FPR3: variants seen among roughly 807,000 people sequenced by gnomAD.
FPR3 encodes the protein formyl peptide receptor 3, also known as N-formyl peptide receptor 3.
For synonymous variants in FPR3, 135 were observed against 163.6 expected (o/e 0.83, Z 1.34); for missense variants, 346 against 443.2 (o/e 0.78, Z 1.97).
rs201639282 is a variant in FPR3, at chr19:51,813,395, G to A, written c.-10-10344G>A. On this transcript the variant is annotated intron_variant, in intron 1 of 1. Transcript: ENST00000339223. ...CCTTTTAATACCATCACCTTGGTATGAGCAACCTCATTTATATTTTTATTT... is the reference window on the plus strand; with the variant it reads ...CCTTTTAATACCATCACCTTGGTATAAGCAACCTCATTTATATTTTTATTT... Among the ~76,000 whole-genome samples the A allele has an allele frequency of 5.3e-5, 8 of 152,128 alleles. No homozygotes were observed. The East Asian group carries it at 1.4e-3, about 26-fold the overall frequency.
intron 1 of FPR3, among the ~76,000 whole-genome samples, chr19:51,813,220 C>A (rs775798917): frequency 1.3e-5 from 2 of 151,760 alleles, no homozygotes; most frequent in Admixed American, 6.6e-5. Context: ...AAGGTGCTAG[C>A]AGATGCAGTA....
chr19:51,801,153 A>C (rs1199087123), intron 1 of FPR3, among the ~76,000 whole-genome samples: 1 of 136,296 alleles, frequency 7.3e-6, no homozygotes, highest in East Asian at 2.6e-4. Context: ...AAGAAAAAAG[A>C]CAGAAACTTT....
intron 1 of FPR3, among the ~76,000 whole-genome samples, chr19:51,797,046 A>G (rs1285289553): frequency 6.6e-6 from 1 of 152,216 alleles, no homozygotes; most frequent in East Asian, 1.9e-4. Flanking sequence ...CCAAGAGTGT[A>G]TTGTGTGCAC....
intron 1 of FPR3, chr19:51,817,534 T>C (rs1186060683): frequency 1.3e-5 from 2 of 151,354 alleles, no homozygotes; most frequent in Non-Finnish European, 3.0e-5. Context: ...TTTTAAATTA[T>C]TGTTTCCCTA....
chr19:51,797,580 A>T (rs1378350253), intron 1 of FPR3, among the ~76,000 whole-genome samples: 1 of 152,230 alleles, frequency 6.6e-6, no homozygotes, highest in Admixed American at 6.5e-5. Context: ...TAAAACTAAC[A>T]TTAATCAATA....
At chr19:51,804,565 A>G (rs996938643) in intron 1 of FPR3, among the ~76,000 whole-genome samples, 9 of 152,220 alleles carry the variant, frequency 5.9e-5, no homozygotes, top group Non-Finnish European at 1.3e-4. Context: ...AAGGATAAAA[A>G]GGCACTGATT....
intron 1 of FPR3, among the ~76,000 whole-genome samples, chr19:51,808,012 G>A (rs765719688): frequency 6.6e-6 from 1 of 152,230 alleles, no homozygotes; most frequent in Non-Finnish European, 1.5e-5. Context: ...GGAGAGTAGG[G>A]GGTAGGAAGA....
At chr19:51,818,952 C>T (rs972713346) in intron 1 of FPR3, among the ~76,000 whole-genome samples, 1 of 152,184 alleles carries the variant, frequency 6.6e-6, no homozygotes, top group African/African-American at 2.4e-5. Flanking sequence ...CAGGAACAAA[C>T]TATCTGCAAA....
chr19:51,800,271 A>G (rs745756938), intron 1 of FPR3, among the ~76,000 whole-genome samples: 17 of 152,214 alleles, frequency 1.1e-4, no homozygotes, highest in Non-Finnish European at 2.1e-4. Context: ...CACCCTGGAA[A>G]GAAAAGCGGC....
At chr19:51,819,477 T>G (rs2084171641) in intron 1 of FPR3, among the ~76,000 whole-genome samples, 1 of 148,036 alleles carries the variant, frequency 6.8e-6, no homozygotes, top group African/African-American at 2.4e-5. Flanking sequence ...TGTGTGTACA[T>G]CTTATCATCT....
Position 51,824,135 on chromosome 19 carries a change from T to G in FPR3, c.387T>G (p.His129Gln), listed in dbSNP as rs376730924. 2.3e-5 allele frequency: 37 copies of G among 1,613,850 alleles called. No individual in the cohort carries two copies. The African/African-American group carries it at 4.7e-4, about 20-fold the overall frequency. ...IALDRCICVL[H>Q]PAWAQNHRTM... ...TGGACCGCTGTATTTGTGTCCTGCA[T>G]CCAGCCTGGGCCCAGAACCATCGCA... The change falls in exon 2 of 2, where the codon CAT becomes CAG. Residue 129 changes from histidine (H) to glutamine (Q), a missense_variant. Coordinates refer to ENST00000339223, the MANE Select transcript of FPR3 (RefSeq NM_002030.5). This position sits in a 1 kb window ranked among gnomAD's most constrained non-coding sequence, Gnocchi z 4.7.
At chr19:51,822,823 T>C (rs2084200416) in intron 1 of FPR3, among the ~76,000 whole-genome samples, 1 of 152,094 alleles carries the variant, frequency 6.6e-6, no homozygotes, top group Admixed American at 6.6e-5. Flanking sequence ...CTTTGTTGAC[T>C]TCATCTAGCA....
At chr19:51,813,160 A>ACC (rs763343827) in intron 1 of FPR3, among the ~76,000 whole-genome samples, 124 of 147,360 alleles carry the variant, frequency 8.4e-4, no homozygotes, top group Middle Eastern at 3.5e-3. Flanking sequence ...ACACACACAC[A>ACC]CCCCATAAAT....
chr19:51,823,712 GA>G, intron 1 of FPR3, 26 bp from the exon 2 acceptor site: 2 of 1,509,228 alleles, frequency 1.3e-6, no homozygotes, highest in Non-Finnish European at 1.8e-6. Flanking sequence ...TCACAGCTGA[GA>G]AATGGCCATT....
chr19:51,816,768 C>T (rs1410949431), intron 1 of FPR3, among the ~76,000 whole-genome samples: 1 of 152,134 alleles, frequency 6.6e-6, no homozygotes, highest in Non-Finnish European at 1.5e-5. Flanking sequence ...CGATCTGATG[C>T]TATCTCCAGT....
chr19:51,821,344 T>G (rs555851231), intron 1 of FPR3, among the ~76,000 whole-genome samples: 75 of 152,250 alleles, frequency 4.9e-4, no homozygotes, highest in African/African-American at 1.8e-3. Context: ...GAGTTTTGCC[T>G]CCCACGGGAC....
At chr19:51,822,497 A>G (rs1487659942) in intron 1 of FPR3, among the ~76,000 whole-genome samples, 1 of 152,192 alleles carries the variant, frequency 6.6e-6, no homozygotes, top group African/African-American at 2.4e-5. Flanking sequence ...GAAAGGGCTT[A>G]GAAGTCAGAC....
At chr19:51,823,693 A>G in intron 1 of FPR3, 46 bp from the exon 2 acceptor site, 1 of 1,397,816 alleles carries the variant, frequency 7.2e-7, no homozygotes, top group Non-Finnish European at 9.8e-7. Flanking sequence ...GTTGTATTGT[A>G]AGATGGTGTC....
At chr19:51,813,162 C>A (rs553449251) in intron 1 of FPR3, among the ~76,000 whole-genome samples, 39 of 135,126 alleles carry the variant, frequency 2.9e-4, no homozygotes, top group South Asian at 2.9e-3. Context: ...ACACACACAC[C>A]CCATAAATTT....
Sources: allele counts gnomAD v4.1 joint callset (sites outside exome capture counted in the v4.1 genomes callset), GRCh38; gene constraint gnomAD v4.1.1; non-coding constraint Gnocchi (gnomAD v3.1); transcripts MANE v1.5; gene names NCBI Gene and HGNC (gene_info 2026-07-23, HGNC 2026-07-21).